TBC1D22A: variants seen among roughly 807,000 people sequenced by gnomAD.
The protein encoded by TBC1D22A is putative GTPase activator.
A neutral mutation model predicts 60.2 loss-of-function variants in TBC1D22A; 38 were observed. The observed-to-expected ratio is 0.63, with a 90% CI of 0.49 to 0.83. TBC1D22A has a LOEUF of 0.83. Ranked by LOEUF, TBC1D22A falls within the 40% of genes least tolerant of loss-of-function variation. The pLI is 0.00. For synonymous variants in TBC1D22A, 302 were observed against 281.7 expected, an observed-to-expected ratio of 1.07 and a Z score of -0.72; for missense variants, 628 against 701.0, an observed-to-expected ratio of 0.90 and a Z score of 1.18.
At chr22:47,104,344 T>G (rs554992073) in intron 11 of TBC1D22A, among the ~76,000 whole-genome samples, 7 of 151,752 alleles carry the variant, frequency 4.6e-5, no homozygotes, top group African/African-American at 1.7e-4. Context: ...ATAGCTAGAT[T>G]TTTTTCTTCC....
chr22:46,839,322 T>G (rs906607306), intron 4 of TBC1D22A, among the ~76,000 whole-genome samples: 7 of 151,936 alleles, frequency 4.6e-5, no homozygotes, highest in African/African-American at 2.4e-5. Context: ...TTTTTTTTTT[T>G]TTTGAGACGG....
intron 11 of TBC1D22A, among the ~76,000 whole-genome samples, chr22:47,062,931 G>GC (rs35111742): frequency 0.93 from 141,988 of 152,076 alleles, 66,387 homozygotes; most frequent in East Asian, 1. Flanking sequence ...CAACGAGTTA[G>GC]TTGGTACTGC....
rs553407701 is a variant in TBC1D22A, at chr22:46,885,121, C to T, written c.709-6145C>T. 7.6e-4 allele frequency among the ~76,000 whole-genome samples: 116 copies of T among 152,322 alleles called. 1 individual carries two copies. Among genetic ancestry groups the T allele is most frequent in the African/African-American group, 2.6e-3 (106 of 41,564 alleles). On this transcript the variant is annotated intron_variant, in intron 5 of 12. Coordinates refer to ENST00000337137, the MANE Select transcript of TBC1D22A (RefSeq NM_014346.5). ...ACTGATGGACAGTCACCTGTGAGCC[C>T]GGCCAGTCTTCAGCGTCTCTGTATC...
chr22:47,057,851 A>G (rs2063446069), intron 11 of TBC1D22A, among the ~76,000 whole-genome samples: 1 of 152,222 alleles, frequency 6.6e-6, no homozygotes. Context: ...GTCAGACCAC[A>G]TCAAAATGGT....
At chr22:46,899,592 TTAC>T (rs2068871119) in intron 7 of TBC1D22A, among the ~76,000 whole-genome samples, 1 of 152,242 alleles carries the variant, frequency 6.6e-6, no homozygotes, top group Non-Finnish European at 1.5e-5. Flanking sequence ...CAGAACTCGA[TTAC>T]TATCTCCAGT....
chr22:47,048,359 G>A (rs2063097279), intron 11 of TBC1D22A, among the ~76,000 whole-genome samples: 1 of 152,066 alleles, frequency 6.6e-6, no homozygotes, highest in Admixed American at 6.5e-5. Context: ...AGGTCGGGAG[G>A]TGGAGGACGC....
At chr22:46,796,781 G>T (rs2084673119) in intron 3 of TBC1D22A, among the ~76,000 whole-genome samples, 1 of 152,178 alleles carries the variant, frequency 6.6e-6, no homozygotes, top group Admixed American at 6.5e-5. Flanking sequence ...TGCCACTGCG[G>T]TCACTGCCTG....
intron 4 of TBC1D22A, among the ~76,000 whole-genome samples, chr22:46,798,167 C>T (rs187720111): frequency 3.3e-5 from 5 of 152,378 alleles, no homozygotes; most frequent in Admixed American, 2.0e-4. Context: ...TGATCCACCA[C>T]GCCTGGCCCA....
rs935020549 is a variant in TBC1D22A, at chr22:47,009,213, C to A, written c.1201+11504C>A. Among the ~76,000 whole-genome samples the A allele has an allele frequency of 2.6e-5, 4 of 152,246 alleles. No homozygotes were observed. Among genetic ancestry groups the A allele is most frequent in the African/African-American group, 9.6e-5 (4 of 41,530 alleles). On this transcript the variant is annotated intron_variant, in intron 10 of 12. Coordinates refer to ENST00000337137, the MANE Select transcript of TBC1D22A (RefSeq NM_014346.5). The surrounding 1 kb of genome is among the most constrained non-coding windows in gnomAD (Gnocchi z 5.8). ...GTGCCTGGCACACTTAAGTCTCATG[C>A]AGTGTTAGTACCCATTATTGTCATT...
chr22:46,855,339 T>TG (rs1490913198), intron 4 of TBC1D22A, among the ~76,000 whole-genome samples: 1 of 152,174 alleles, frequency 6.6e-6, no homozygotes, highest in East Asian at 1.9e-4. Flanking sequence ...ACTAGACAGG[T>TG]GGAGGGTTTT....
chr22:46,946,262 G>A (rs1420474648), intron 8 of TBC1D22A, among the ~76,000 whole-genome samples: 3 of 152,216 alleles, frequency 2.0e-5, no homozygotes, highest in African/African-American at 7.2e-5. Flanking sequence ...ACTGAACCAC[G>A]TTCCCATCCT....
intron 4 of TBC1D22A, among the ~76,000 whole-genome samples, chr22:46,876,737 G>A (rs1482704331): frequency 1.3e-5 from 2 of 152,194 alleles, no homozygotes; most frequent in Non-Finnish European, 2.9e-5. Flanking sequence ...GTGAGGTGTG[G>A]GCTAGCTCTG....
At chr22:47,103,423 C>G (rs1326060407) in intron 11 of TBC1D22A, among the ~76,000 whole-genome samples, 1 of 152,088 alleles carries the variant, frequency 6.6e-6, no homozygotes, top group East Asian at 1.9e-4. Context: ...AGCATTCCCT[C>G]GTGGGGCAGC....
At chr22:46,930,206 G>T (rs1322062480) in intron 8 of TBC1D22A, among the ~76,000 whole-genome samples, 1 of 152,134 alleles carries the variant, frequency 6.6e-6, no homozygotes, top group Admixed American at 6.5e-5. Context: ...ACGCCGGCCT[G>T]CAGTCTGCTC....
chr22:46,887,732 A>G (rs987373015), intron 5 of TBC1D22A, among the ~76,000 whole-genome samples: 1 of 152,152 alleles, frequency 6.6e-6, no homozygotes, highest in African/African-American at 2.4e-5. Context: ...TCTGGCTTTG[A>G]CCTGGGTGGT....
At position 47,173,808 on chromosome 22, in the gene TBC1D22A, C is replaced by T; in HGVS notation, c.*182C>T. 1 of 1,004,010 alleles carries T rather than the reference C, an allele frequency of 1.0e-6. No individual in the cohort carries two copies. The highest frequency in any genetic ancestry group is 1.4e-6 in the Non-Finnish European group (1 of 708,960). 62.2% of individuals were successfully genotyped at this position (1,004,010 alleles called of 1,614,324 possible). The stretch of plus-strand genomic sequence containing the variant: ...GGTCTAGGGCTGACAAAGACAGGGA[C>T]AGCCTTTGTTTTCTGAGATACCAAA... On this transcript the variant is annotated 3_prime_UTR_variant, in exon 13 of 13. Transcript: ENST00000337137.
At chr22:47,161,754 G>T (rs543475587) in intron 12 of TBC1D22A, among the ~76,000 whole-genome samples, 2 of 152,246 alleles carry the variant, frequency 1.3e-5, no homozygotes, top group Non-Finnish European at 2.9e-5. Context: ...GCCCTTCTGC[G>T]CAAGTGTGTG....
rs578239413 is a variant in TBC1D22A, at chr22:47,087,576, G to C, written c.1330-23932G>C. Among the ~76,000 whole-genome samples the C allele has an allele frequency of 9.2e-5, 14 of 152,326 alleles. No individual in the cohort carries two copies. In the South Asian group the frequency reaches 2.7e-3, roughly 29 times the overall value. ...TGCAAAAGTTCTCAAACTTCAGATTGTTGGTAATATTATTAGTGCTGTTTG... is the reference window on the plus strand; with the variant it reads ...TGCAAAAGTTCTCAAACTTCAGATTCTTGGTAATATTATTAGTGCTGTTTG... On this transcript the variant is annotated intron_variant, in intron 11 of 12. Transcript: ENST00000337137.
Position 47,173,682 on chromosome 22 carries a change from T to G in TBC1D22A, c.*56T>G, listed in dbSNP as rs1363357495. 6.2e-7 allele frequency: 1 copy of G among 1,606,750 alleles called. No individual in the cohort carries two copies. Among genetic ancestry groups the G allele is most frequent in the Non-Finnish European group, 8.5e-7 (1 of 1,175,738 alleles). On this transcript the variant is annotated 3_prime_UTR_variant, in exon 13 of 13. Coordinates refer to ENST00000337137, the MANE Select transcript of TBC1D22A (RefSeq NM_014346.5). Reference sequence around the variant, plus strand: ...TCCCGGGTGGCGCGCCCCACCTGCCTGGCTGGTGGTAGGCCCCTGTGAGCT... The same window carrying G: ...TCCCGGGTGGCGCGCCCCACCTGCCGGGCTGGTGGTAGGCCCCTGTGAGCT...
Sources: allele counts gnomAD v4.1 joint callset (sites outside exome capture counted in the v4.1 genomes callset), GRCh38; gene constraint gnomAD v4.1.1; non-coding constraint Gnocchi (gnomAD v3.1); transcripts MANE v1.5; gene names NCBI Gene and HGNC (gene_info 2026-07-23, HGNC 2026-07-21).